Variants in PXDNL observed in about 807,000 individuals in gnomAD.
The protein encoded by PXDNL is peroxidasin like.
In PXDNL, 145 loss-of-function variants were observed where a neutral mutation model predicts 150.8. The ratio of observed to expected loss-of-function variants is 0.96; its 90% CI spans 0.84 to 1.10. The LOEUF is 1.10. Ranked by LOEUF, PXDNL falls within the 50% of genes least tolerant of loss-of-function variation. The probability of loss-of-function intolerance (pLI) is 0.00; values close to 1 mark genes in which losing one functional copy is unlikely to be tolerated. For missense variants in PXDNL, 2,087 were observed against 1,873.9 expected (o/e 1.11, Z -2.10); for synonymous variants, 757 against 725.7 (o/e 1.04, Z -0.69).
chr8:51,485,754 C>T (rs1810717197), intron 5 of PXDNL, among the ~76,000 whole-genome samples: 2 of 152,212 alleles, frequency 1.3e-5, no homozygotes, highest in Non-Finnish European at 2.9e-5. Context: ...GCACTGGTCC[C>T]TATACCTATC....
intron 19 of PXDNL, among the ~76,000 whole-genome samples, chr8:51,356,776 A>G (rs1336109398): frequency 6.6e-6 from 1 of 152,212 alleles, no homozygotes; most frequent in Non-Finnish European, 1.5e-5. Flanking sequence ...TTTCCTTAAA[A>G]GAAAATCCAA....
chr8:51,692,947 C>G (rs1816031827), intron 1 of PXDNL, among the ~76,000 whole-genome samples: 2 of 152,172 alleles, frequency 1.3e-5, no homozygotes, highest in Admixed American at 1.3e-4. Flanking sequence ...CAGATTATAT[C>G]TATATTTAGG....
Position 51,601,524 on chromosome 8 carries a change from T to C in PXDNL, c.237-8826A>G, listed in dbSNP as rs374591399. Among the ~76,000 whole-genome samples, 5 of 152,138 alleles carry C rather than the reference T, an allele frequency of 3.3e-5. No homozygotes were observed. In the South Asian group the frequency reaches 6.2e-4, roughly 19 times the overall value. On this transcript the variant is annotated intron_variant, in intron 2 of 22. Transcript: ENST00000356297. ...TTGTTGATTTAATCTCTGTTTTATC[T>C]GATATAAGAATAGCAACTCCTGCTT...
chr8:51,452,483 A>G (rs1227714875), intron 10 of PXDNL, among the ~76,000 whole-genome samples: 1 of 152,220 alleles, frequency 6.6e-6, no homozygotes, highest in African/African-American at 2.4e-5. Context: ...AAAGGAGTTG[A>G]TGCTAAACAG....
At chr8:51,401,391 G>A (rs1212094583) in intron 17 of PXDNL, among the ~76,000 whole-genome samples, 32 of 152,160 alleles carry the variant, frequency 2.1e-4, no homozygotes, top group Admixed American at 2.1e-3. Flanking sequence ...GAGGGAGAAG[G>A]GAATAAAACG....
intron 19 of PXDNL, among the ~76,000 whole-genome samples, chr8:51,346,381 T>C (rs552371709): frequency 6.6e-6 from 1 of 152,298 alleles, no homozygotes; most frequent in Admixed American, 6.5e-5. Context: ...TAGGGATTTG[T>C]TTTTTAAGAT....
At chr8:51,520,341 A>C (rs1305352058) in intron 4 of PXDNL, among the ~76,000 whole-genome samples, 2 of 152,052 alleles carry the variant, frequency 1.3e-5, no homozygotes, top group Non-Finnish European at 2.9e-5. Context: ...ATCCCTCTAG[A>C]AGGGGCGAGC....
intron 5 of PXDNL, among the ~76,000 whole-genome samples, chr8:51,486,766 A>G (rs1181448826): frequency 2.6e-3 from 27 of 10,428 alleles, no homozygotes; most frequent in African/African-American, 8.5e-3. Context: ...ATATATATAT[A>G]TATATATATA....
chr8:51,742,435 T>C (rs928588084), intron 1 of PXDNL, among the ~76,000 whole-genome samples: 4 of 151,978 alleles, frequency 2.6e-5, no homozygotes, highest in African/African-American at 9.7e-5. Context: ...ATTATGTCAG[T>C]GTTAATTTCC....
At chr8:51,602,919 T>C (rs1288897099) in intron 2 of PXDNL, among the ~76,000 whole-genome samples, 2 of 151,678 alleles carry the variant, frequency 1.3e-5, no homozygotes, top group Admixed American at 1.3e-4. Flanking sequence ...ACTTAGGCTT[T>C]CCTGAATCTA....
At chr8:51,504,418 C>T (rs898141971) in intron 4 of PXDNL, among the ~76,000 whole-genome samples, 6 of 152,168 alleles carry the variant, frequency 3.9e-5, no homozygotes, top group African/African-American at 1.2e-4. Flanking sequence ...ACATACCTGC[C>T]ATACTCCTGC....
chr8:51,754,215 A>T (rs1342591324), intron 1 of PXDNL, among the ~76,000 whole-genome samples: 4 of 152,210 alleles, frequency 2.6e-5, no homozygotes, highest in Non-Finnish European at 5.9e-5. Context: ...TACTATAGGA[A>T]TTTATTCATA....
chr8:51,323,955 A>T (rs6998729), intron 21 of PXDNL, among the ~76,000 whole-genome samples: 12 of 150,774 alleles, frequency 8.0e-5, no homozygotes, highest in Non-Finnish European at 7.4e-5. Flanking sequence ...AAATAAAAAA[A>T]AAAAGAATCT....
chr8:51,493,382 T>G (rs554077002), intron 5 of PXDNL, among the ~76,000 whole-genome samples: 1 of 152,184 alleles, frequency 6.6e-6, no homozygotes, highest in African/African-American at 2.4e-5. Context: ...GCGCCTCTCC[T>G]CCTCCAAAGG....
At chr8:51,560,979 T>C (rs1424174985) in intron 3 of PXDNL, among the ~76,000 whole-genome samples, 2 of 150,596 alleles carry the variant, frequency 1.3e-5, no homozygotes, top group East Asian at 2.0e-4. Context: ...AGGACTTTAA[T>C]AGACAGTTCA....
chr8:51,691,584 A>G (rs963759782), intron 1 of PXDNL, among the ~76,000 whole-genome samples: 1 of 152,156 alleles, frequency 6.6e-6, no homozygotes, highest in Non-Finnish European at 1.5e-5. Flanking sequence ...AATGAAAAAA[A>G]AAACACCTAA....
At chr8:51,455,302 CTGGAGGAGAGTAATGATACCAA>C (rs1009028214) in intron 9 of PXDNL, among the ~76,000 whole-genome samples, 1 of 151,962 alleles carries the variant, frequency 6.6e-6, no homozygotes, top group African/African-American at 2.4e-5. Context: ...TCAGAGGTTA[CTGGAGGAGAGTAATGATACCAA>C]TAGAGATAGC....
At chr8:51,577,923 A>AAAAGAAAG (rs1234489822) in intron 3 of PXDNL, among the ~76,000 whole-genome samples, 87 of 42,382 alleles carry the variant, frequency 2.1e-3, no homozygotes, top group East Asian at 6.3e-3. Flanking sequence ...GAAAAGAAAG[A>AAAAGAAAG]AAAGAAAGAA....
At chr8:51,542,838 G>A (rs1812252060) in intron 4 of PXDNL, among the ~76,000 whole-genome samples, 1 of 151,472 alleles carries the variant, frequency 6.6e-6, no homozygotes, top group African/African-American at 2.4e-5. Flanking sequence ...AAGAAAATGA[G>A]ACACTCTTTT....
Sources: allele counts gnomAD v4.1 joint callset (sites outside exome capture counted in the v4.1 genomes callset), GRCh38; gene constraint gnomAD v4.1.1; transcripts MANE v1.5; gene names NCBI Gene and HGNC (gene_info 2026-07-23, HGNC 2026-07-21).